Variants in GRIP1 observed in about 807,000 individuals in gnomAD.
The protein encoded by GRIP1 is glutamate receptor interacting protein 1, also known as glutamate receptor-interacting protein 1.
GRIP1 carries 45 observed loss-of-function variants against 129.9 expected under a neutral mutation model. That is an observed-to-expected ratio of 0.35 (90% CI 0.27 to 0.44). GRIP1 has a LOEUF of 0.44. Among genes scored for constraint, GRIP1 ranks in the 20% least tolerant of loss-of-function variants. GRIP1 has a pLI of 1.00. For synonymous variants in GRIP1, 530 were observed against 520.8 expected (o/e 1.02, Z -0.24); for missense variants, 1,196 against 1,396.8 (o/e 0.86, Z 2.29).
intron 2 of GRIP1, among the ~76,000 whole-genome samples, chr12:66,547,220 A>C (rs2061973852): frequency 6.6e-6 from 1 of 152,170 alleles, no homozygotes; most frequent in African/African-American, 2.4e-5. Flanking sequence ...TAAAACTACA[A>C]TTGATATCAT....
chr12:66,888,558 T>C (rs937062778), intron 1 of GRIP1, among the ~76,000 whole-genome samples: 7 of 152,182 alleles, frequency 4.6e-5, no homozygotes, highest in Admixed American at 1.3e-4. Flanking sequence ...AGACGGTGTT[T>C]TGCCATGTTG....
At chr12:66,852,012 T>A (rs1242811233) in intron 1 of GRIP1, among the ~76,000 whole-genome samples, 1 of 152,072 alleles carries the variant, frequency 6.6e-6, no homozygotes, top group Non-Finnish European at 1.5e-5. Flanking sequence ...CATCATCCAT[T>A]ATAGTTGTAA....
At chr12:66,650,673 G>A (rs1012218931) in intron 1 of GRIP1, among the ~76,000 whole-genome samples, 7 of 152,138 alleles carry the variant, frequency 4.6e-5, no homozygotes, top group Admixed American at 1.3e-4. Context: ...TAATGGTCAC[G>A]AATGAGGAAT....
intron 14 of GRIP1, among the ~76,000 whole-genome samples, chr12:66,427,856 A>T (rs2058033596): frequency 6.6e-6 from 1 of 152,328 alleles, no homozygotes; most frequent in East Asian, 1.9e-4. Context: ...ATCAAAAAAA[A>T]TTCTCTGAAT....
chr12:66,350,636 C>T (rs1025842462), intron 24 of GRIP1, among the ~76,000 whole-genome samples: 6 of 152,164 alleles, frequency 3.9e-5, no homozygotes, highest in Non-Finnish European at 7.3e-5. Context: ...TTAACTCTGG[C>T]TCTAATATCT....
chr12:66,439,161 T>C (rs2138046537), intron 13 of GRIP1, among the ~76,000 whole-genome samples: 2 of 152,304 alleles, frequency 1.3e-5, no homozygotes, highest in South Asian at 4.1e-4. Context: ...CAGCTAGTTC[T>C]TACTCCCCTC....
chr12:66,788,891 TGA>T (rs2136841492), intron 1 of GRIP1, among the ~76,000 whole-genome samples: 1 of 152,196 alleles, frequency 6.6e-6, no homozygotes, highest in South Asian at 2.1e-4. Context: ...ACAGAAACTA[TGA>T]GAGAAGAAAT....
rs867849494 is a variant in GRIP1, at chr12:66,479,784, T to C, written c.725-14362A>G. On this transcript the variant is annotated intron_variant, in intron 7 of 24. Transcript: ENST00000359742. The stretch of plus-strand genomic sequence containing the variant: ...TTCAGCATATGCAAATCAATAAATG[T>C]AATCCATCACATAAACAGAACCAAT... Among the ~76,000 whole-genome samples, 11 of 152,316 alleles carry C rather than the reference T, an allele frequency of 7.2e-5. 1 individual carries two copies. The highest frequency in any genetic ancestry group is 3.4e-3 in the Middle Eastern group (1 of 294).
At chr12:66,740,264 G>A (rs770899947) in intron 1 of GRIP1, among the ~76,000 whole-genome samples, 3 of 152,098 alleles carry the variant, frequency 2.0e-5, no homozygotes, top group Admixed American at 6.5e-5. Context: ...TACCCTAGAT[G>A]GAAAAGATCT....
rs368870661 is a variant in GRIP1 at position 66,432,554 on chromosome 12, T to C, written c.1762A>G (p.Ile588Val). 19 of 1,568,258 alleles carry C rather than the reference T, an allele frequency of 1.2e-5. No homozygotes were observed. The highest frequency in any genetic ancestry group is 1.6e-5 in the Non-Finnish European group (18 of 1,139,676). ...AGAAATAACTTCTACTTACAACTTA[T>C]GGTTATTCCAAGTTCCACATTGTGC... ...KKHNVELGIT[I>V]SSPSSRKPGD... The change falls in exon 14 of 25, where the codon ATA becomes GTA. Residue 588 changes from isoleucine (I) to valine (V), a missense_variant. By Grantham distance (29) the Ile-to-Val change is conservative (BLOSUM62 3). This residue lies in a region of GRIP1 where 508 missense variants were observed against 587.0 expected (regional missense o/e 0.87). Coordinates refer to ENST00000359742, the MANE Select transcript of GRIP1 (RefSeq NM_001366722.1).
At chr12:66,372,015 C>G in intron 22 of GRIP1, 88 bp from the exon 23 acceptor site, 2 of 877,136 alleles carry the variant, frequency 2.3e-6, no homozygotes, top group South Asian at 1.4e-5. Flanking sequence ...TCTCCTTCTG[C>G]GAGGTAAAAA....
chr12:66,881,950 A>G (rs1592926318), intron 1 of GRIP1, among the ~76,000 whole-genome samples: 1 of 152,322 alleles, frequency 6.6e-6, no homozygotes, highest in Admixed American at 6.5e-5. Flanking sequence ...ATTTCCTTTC[A>G]GTCATTCAGA....
chr12:66,973,238 T>C (rs2042099742), intron 1 of GRIP1, among the ~76,000 whole-genome samples: 1 of 142,872 alleles, frequency 7.0e-6, no homozygotes, highest in African/African-American at 2.6e-5. Context: ...ATTTTTTAAA[T>C]ATTAAAAACA....
chr12:66,804,446 AAG>A (rs1329754549), upstream of GRIP1, among the ~76,000 whole-genome samples: 3 of 152,178 alleles, frequency 2.0e-5, no homozygotes, highest in East Asian at 1.9e-4. Context: ...TTAAAAAAAA[AAG>A]AGGAAAAGAG....
chr12:66,570,621 T>A (rs926237470), intron 2 of GRIP1, among the ~76,000 whole-genome samples: 35 of 152,212 alleles, frequency 2.3e-4, no homozygotes, highest in Non-Finnish European at 2.9e-5. Flanking sequence ...TCTATAATAA[T>A]GCTGCACAGG....
chr12:66,789,755 A>G lies in GRIP1; in HGVS notation c.-420+14298T>C, dbSNP rs541784970. Among the ~76,000 whole-genome samples, 49 of 152,240 alleles carry G rather than the reference A, an allele frequency of 3.2e-4. 1 individual carries two copies. The highest frequency in any genetic ancestry group is 1.1e-3 in the African/African-American group (46 of 41,568). On this transcript the variant is annotated intron_variant, in intron 1 of 4. Coordinates refer to the GRIP1 transcript ENST00000538373. ...CTTCTCCCTTGAATATAAAACTCTCATACTTTCATCTTAATTTATTCTCTG... is the reference window on the plus strand; with the variant it reads ...CTTCTCCCTTGAATATAAAACTCTCGTACTTTCATCTTAATTTATTCTCTG...
At chr12:66,622,223 G>C (rs1032715661) in intron 1 of GRIP1, among the ~76,000 whole-genome samples, 1 of 152,010 alleles carries the variant, frequency 6.6e-6, no homozygotes, top group Non-Finnish European at 1.5e-5. Flanking sequence ...GAACCCTTGA[G>C]TTATGCTACA....
At chr12:66,541,714 G>T in intron 3 of GRIP1, 101 bp downstream of exon 3, 1 of 1,210,382 alleles carries the variant, frequency 8.3e-7, no homozygotes, top group Non-Finnish European at 1.2e-6. Flanking sequence ...GCAGATGGCA[G>T]CTGTCATTTA....
intron 7 of GRIP1, among the ~76,000 whole-genome samples, chr12:66,485,041 A>T (rs749851072): frequency 4.6e-5 from 7 of 152,146 alleles, no homozygotes; most frequent in Non-Finnish European, 8.8e-5. Context: ...TAGGAACCAT[A>T]ACTAGGTTTG....
Sources: allele counts gnomAD v4.1 joint callset (sites outside exome capture counted in the v4.1 genomes callset), GRCh38; gene constraint gnomAD v4.1.1; regional missense constraint gnomAD v4.1.1; transcripts MANE v1.5; gene names NCBI Gene and HGNC (gene_info 2026-07-23, HGNC 2026-07-21).